PARD3B: variants seen among roughly 807,000 people sequenced by gnomAD.
PARD3B encodes partitioning defective 3 homolog B.
A neutral mutation model predicts 130.2 loss-of-function variants in PARD3B; 103 were observed. That is an observed-to-expected ratio of 0.79 (90% CI 0.67 to 0.93). The LOEUF (loss-of-function observed/expected upper bound fraction) is 0.93. PARD3B is among the 40% of genes least tolerant of loss of function. The probability of loss-of-function intolerance (pLI) is 0.00; values close to 1 mark genes in which losing one functional copy is unlikely to be tolerated. For synonymous variants in PARD3B, 583 were observed against 553.2 expected (o/e 1.05, Z -0.76); for missense variants, 1,609 against 1,499.2 (o/e 1.07, Z -1.21).
chr2:205,427,755 A>G (rs1438602119), intron 19 of PARD3B, among the ~76,000 whole-genome samples: 1 of 152,198 alleles, frequency 6.6e-6, no homozygotes, highest in African/African-American at 2.4e-5. Flanking sequence ...AAAAACTGAA[A>G]ACAAACGAAA....
In PARD3B at chr2:205,265,309, C is replaced by T. The variant is rs866127444; in HGVS notation, c.2185+19487C>T. On this transcript the variant is annotated intron_variant, in intron 16 of 22. Coordinates refer to ENST00000406610, the MANE Select transcript of PARD3B (RefSeq NM_001302769.2). This position sits in a 1 kb window ranked among gnomAD's most constrained non-coding sequence, Gnocchi z 4.3. ...GGAAGATTGGGGTGATACATGGAAT[C>T]GATGCACTTTCAAGTTGGCGGATCT... 8.6e-5 allele frequency among the ~76,000 whole-genome samples: 13 copies of T among 151,982 alleles called. No homozygotes were observed. Among genetic ancestry groups the T allele is most frequent in the Middle Eastern group, 3.4e-3 (1 of 294 alleles).
intron 1 of PARD3B, among the ~76,000 whole-genome samples, chr2:204,579,750 TACCCAGGGTGG>T (rs1205535808): frequency 2.0e-5 from 3 of 152,246 alleles, no homozygotes; most frequent in Non-Finnish European, 4.4e-5. Context: ...TCCTCCCCTC[TACCCAGGGTGG>T]ACCCCTGTGT....
chr2:204,821,099 ATGT>A (rs2043335706), intron 2 of PARD3B, among the ~76,000 whole-genome samples: 1 of 152,154 alleles, frequency 6.6e-6, no homozygotes, highest in Non-Finnish European at 1.5e-5. Context: ...TAGGAGAGTA[ATGT>A]TGTTTTCATG....
intron 2 of PARD3B, among the ~76,000 whole-genome samples, chr2:204,714,861 G>A (rs1457460459): frequency 2.0e-5 from 3 of 152,112 alleles, no homozygotes; most frequent in Non-Finnish European, 2.9e-5. Context: ...TTGACAATAT[G>A]TTATAGTGAG....
intron 2 of PARD3B, among the ~76,000 whole-genome samples, chr2:204,838,349 A>ATGTATGTGTGTGTG: frequency 7.4e-6 from 1 of 135,430 alleles, no homozygotes; most frequent in African/African-American, 2.7e-5. Flanking sequence ...TACCTGGCTA[A>ATGTATGTGTGTGTG]TGTGTGTGTG....
intron 21 of PARD3B, among the ~76,000 whole-genome samples, chr2:205,539,954 AG>A (rs1402069164): frequency 1.3e-5 from 2 of 152,166 alleles, no homozygotes; most frequent in Non-Finnish European, 2.9e-5. Context: ...AGAGGGGAAA[AG>A]ACTCAGCAGT....
intron 2 of PARD3B, among the ~76,000 whole-genome samples, chr2:204,718,215 C>G (rs1434218356): frequency 6.6e-6 from 1 of 152,036 alleles, no homozygotes; most frequent in Non-Finnish European, 1.5e-5. Context: ...TATGCTTTCT[C>G]TCTCTCATTT....
chr2:205,440,715 T>C lies in PARD3B; in HGVS notation c.3044+43T>C. 6.4e-7 allele frequency: 1 copy of C among 1,552,236 alleles called. No individual in the cohort carries two copies. The highest frequency in any genetic ancestry group is 8.9e-7 in the Non-Finnish European group (1 of 1,129,708). ...AGATAAATGTAGCTTTAATTCAGTA[T>C]GTTTCAAATCATCTCTACTGCTGAA... On this transcript the variant is annotated intron_variant, in intron 20 of 22. Transcript: ENST00000406610. The surrounding 1 kb of genome is among the most constrained non-coding windows in gnomAD (Gnocchi z 4.2).
At chr2:205,051,657 A>G (rs1699199247) in intron 4 of PARD3B, among the ~76,000 whole-genome samples, 2 of 152,228 alleles carry the variant, frequency 1.3e-5, no homozygotes, top group Admixed American at 1.3e-4. Flanking sequence ...AAAAGTTGCA[A>G]AAGTTACACT....
rs13396368 is a variant in PARD3B at position 204,642,317 on chromosome 2, C to T, written c.121-43864C>T. Among the ~76,000 whole-genome samples, 340 of 152,226 alleles carry T rather than the reference C, an allele frequency of 2.2e-3. 3 individuals carry two copies. The highest frequency in any genetic ancestry group is 7.8e-3 in the African/African-American group (323 of 41,538). ...GTCACTAGAGTATCAGCAGAGCAGG[C>T]GACACTGTGCTTGGGTAGGCTTTTA... On this transcript the variant is annotated intron_variant, in intron 1 of 22. Coordinates refer to ENST00000406610, the MANE Select transcript of PARD3B (RefSeq NM_001302769.2).
intron 2 of PARD3B, among the ~76,000 whole-genome samples, chr2:204,803,157 A>ATATAT (rs1414932505): frequency 6.8e-4 from 93 of 137,250 alleles, no homozygotes; most frequent in African/African-American, 2.2e-3. Flanking sequence ...AAAAAAAAAA[A>ATATAT]AAAAAAATAT....
At chr2:205,451,666 A>T (rs909345707) in intron 20 of PARD3B, among the ~76,000 whole-genome samples, 1 of 149,040 alleles carries the variant, frequency 6.7e-6, no homozygotes, top group Non-Finnish European at 1.5e-5. Context: ...TTTTATTTTT[A>T]ATTTTTGTGA....
intron 1 of PARD3B, among the ~76,000 whole-genome samples, chr2:204,628,448 G>A (rs899476990): frequency 2.6e-5 from 4 of 151,848 alleles, no homozygotes; most frequent in African/African-American, 9.7e-5. Context: ...TAAAGAGAGG[G>A]GAGAGAACAG....
At chr2:204,853,504 T>G (rs2044792531) in intron 2 of PARD3B, among the ~76,000 whole-genome samples, 1 of 152,168 alleles carries the variant, frequency 6.6e-6, no homozygotes, top group African/African-American at 2.4e-5. Context: ...TTCTCCACTT[T>G]CATTATACAG....
intron 15 of PARD3B, among the ~76,000 whole-genome samples, chr2:205,199,852 G>A (rs2036894387): frequency 6.6e-6 from 1 of 152,024 alleles, no homozygotes; most frequent in Admixed American, 6.6e-5. Context: ...CAGAAATTAT[G>A]AAGAGTAGGC....
At chr2:204,965,521 G>A (rs1337547004) in intron 3 of PARD3B, among the ~76,000 whole-genome samples, 198 bp downstream of exon 3, 1 of 152,108 alleles carries the variant, frequency 6.6e-6, no homozygotes, top group African/African-American at 2.4e-5. Flanking sequence ...TTCTTGAACT[G>A]AAGGTGAAGC....
At chr2:205,500,082 T>G (rs763245547) in intron 21 of PARD3B, 51 bp downstream of exon 21, 1 of 1,592,622 alleles carries the variant, frequency 6.3e-7, no homozygotes, top group Non-Finnish European at 8.6e-7. Flanking sequence ...CTAAGAATGT[T>G]TAGAGCAGAA....
At chr2:205,087,589 G>A (rs552077296) in intron 4 of PARD3B, among the ~76,000 whole-genome samples, 104 of 152,158 alleles carry the variant, frequency 6.8e-4, no homozygotes, top group Admixed American at 5.7e-3. Context: ...TTTGTAATGA[G>A]ACTGTTACAA....
intron 21 of PARD3B, among the ~76,000 whole-genome samples, chr2:205,523,306 G>A (rs111806125): frequency 0.032 from 4,832 of 150,288 alleles, 168 homozygotes; most frequent in South Asian, 0.13. Context: ...GTGCAGTGGT[G>A]CAATCTCGGC....
Sources: gnomAD v4.1 joint callset for allele counts (sites outside exome capture counted in the v4.1 genomes callset) on GRCh38, gnomAD v4.1.1 for gene constraint, Gnocchi (gnomAD v3.1) non-coding constraint, MANE v1.5 for transcripts, NCBI Gene and HGNC (gene_info 2026-07-23, HGNC 2026-07-21) for gene names.